SCML2: variants seen among roughly 807,000 people sequenced by gnomAD.
The protein encoded by SCML2 is sex comb on midleg-like protein 2.
In SCML2, 6 loss-of-function variants were observed where a neutral mutation model predicts 48.4. The ratio of observed to expected loss-of-function variants is 0.12; its 90% CI spans 0.07 to 0.24. The LOEUF is 0.24. Among genes scored for constraint, SCML2 ranks in the 10% least tolerant of loss-of-function variants. SCML2 has a pLI of 1.00. For missense variants in SCML2, 377 were observed against 528.2 expected (o/e 0.71, Z 2.81); for synonymous variants, 181 against 189.5 (o/e 0.95, Z 0.37).
At chrX:18,291,675 A>C (rs1342825459) in intron 7 of SCML2, among the ~76,000 whole-genome samples, 1 of 111,622 alleles carries the variant, frequency 9.0e-6, no homozygotes, top group Non-Finnish European at 1.9e-5. Flanking sequence ...GCTGTTATAT[A>C]AAAGTTGAGA....
At chrX:18,320,442 G>T (rs1206309283) in intron 5 of SCML2, 22 bp from the exon 6 acceptor site, 19 of 1,009,675 alleles carry the variant, frequency 1.9e-5, no homozygotes, top group Non-Finnish European at 2.3e-5. Flanking sequence ...AATAAATTAG[G>T]TATCATGAAA....
intron 12 of SCML2, 112 bp from the exon 13 acceptor site, chrX:18,246,940 G>T: frequency 1.3e-6 from 1 of 752,020 alleles, no homozygotes. Flanking sequence ...GTGCTATACT[G>T]AACCACAATG....
intron 7 of SCML2, among the ~76,000 whole-genome samples, chrX:18,303,107 T>A (rs776546059): frequency 9.0e-6 from 1 of 110,590 alleles, no homozygotes; most frequent in South Asian, 3.9e-4. Context: ...CAAAACCACA[T>A]TCGTAACAGC....
chrX:18,285,090 C>T (rs1329849172), intron 7 of SCML2, among the ~76,000 whole-genome samples: 1 of 108,034 alleles, frequency 9.3e-6, no homozygotes, highest in Non-Finnish European at 1.9e-5. Flanking sequence ...GAAAAGGGGA[C>T]ACTTATACAT....
intron 1 of SCML2, among the ~76,000 whole-genome samples, chrX:18,350,278 C>CA (rs1043409505): frequency 7.4e-5 from 8 of 107,435 alleles, no homozygotes; most frequent in African/African-American, 1.4e-4. Flanking sequence ...GCAAGACTCT[C>CA]AAAAAAAACA....
Position 18,265,770 on chromosome X carries a change from A to C in SCML2, c.763T>G (p.Ser255Ala), listed in dbSNP as rs753401355. The C allele has an allele frequency of 5.0e-6, 6 of 1,206,620 alleles. No homozygotes were observed. The South Asian group carries it at 1.1e-4, about 21-fold the overall frequency. The change falls in exon 8 of 15, where the codon TCT becomes GCT. Residue 255 changes from serine to alanine, a missense_variant. Transcript: ENST00000251900. Reference protein sequence around the residue: ...PIVKNIAKTESSPSEASQHSM... With the variant: ...PIVKNIAKTEASPSEASQHSM... Reference sequence around the variant, plus strand: ...TGCTGGCTTGCTTCGGAAGGAGAAGACTCTGTTTTTGCTATATTCTTTACA... The same window carrying C: ...TGCTGGCTTGCTTCGGAAGGAGAAGCCTCTGTTTTTGCTATATTCTTTACA...
chrX:18,285,307 G>A (rs1569148943), intron 7 of SCML2, among the ~76,000 whole-genome samples: 1 of 108,966 alleles, frequency 9.2e-6, no homozygotes, highest in Non-Finnish European at 1.9e-5. Flanking sequence ...CAATTTAGGT[G>A]GCCATCAATA....
At chrX:18,313,122 TC>T (rs1166593537) in intron 6 of SCML2, among the ~76,000 whole-genome samples, 1 of 110,161 alleles carries the variant, frequency 9.1e-6, no homozygotes, top group East Asian at 2.9e-4. Flanking sequence ...ACCAACTTAT[TC>T]CCTTGTCTTT....
At chrX:18,293,997 AG>A (rs1928311799) in intron 7 of SCML2, among the ~76,000 whole-genome samples, 1 of 112,292 alleles carries the variant, frequency 8.9e-6, no homozygotes, top group Non-Finnish European at 1.9e-5. Flanking sequence ...GAAATTCTGA[AG>A]GATCTACCTC....
intron 6 of SCML2, among the ~76,000 whole-genome samples, chrX:18,307,804 A>G (rs1412521317): frequency 3.6e-5 from 4 of 110,082 alleles, no homozygotes; most frequent in Non-Finnish European, 3.8e-5. Context: ...GCAAAACCCT[A>G]TCTCTAAAAA....
chrX:18,245,216 T>C (rs1480324293), intron 13 of SCML2, among the ~76,000 whole-genome samples: 1 of 111,931 alleles, frequency 8.9e-6, no homozygotes, highest in African/African-American at 3.2e-5. Context: ...GTAAGTAAAT[T>C]ACTAGAAAGC....
At chrX:18,348,495 C>A (rs945463455) in intron 1 of SCML2, among the ~76,000 whole-genome samples, 1 of 111,776 alleles carries the variant, frequency 8.9e-6, no homozygotes, top group African/African-American at 3.2e-5. Context: ...ATTACCCATT[C>A]AAATATTTCT....
At chrX:18,342,184 T>G (rs1168051159) in intron 1 of SCML2, among the ~76,000 whole-genome samples, 2 of 111,867 alleles carry the variant, frequency 1.8e-5, no homozygotes, top group African/African-American at 6.5e-5. Context: ...GACCCTCAAG[T>G]AACTTGCCTT....
Position 18,320,974 on chromosome X carries a change from A to C in SCML2, c.398-554T>G, listed in dbSNP as rs781445962. On this transcript the variant is annotated intron_variant, in intron 5 of 14. Coordinates refer to ENST00000251900, the MANE Select transcript of SCML2 (RefSeq NM_006089.3). ...ATTTAGGGGACGTGCACTGATACCAACAACTCACTCTGAAATGTACTAAAA... is the reference window on the plus strand; with the variant it reads ...ATTTAGGGGACGTGCACTGATACCACCAACTCACTCTGAAATGTACTAAAA... Among the ~76,000 whole-genome samples, 3 of 111,688 alleles carry C rather than the reference A, an allele frequency of 2.7e-5. No individual in the cohort carries two copies. The East Asian group carries it at 8.4e-4, about 31-fold the overall frequency.
chrX:18,350,210 C>G (rs188733564), intron 1 of SCML2, among the ~76,000 whole-genome samples: 1 of 110,416 alleles, frequency 9.1e-6, no homozygotes, highest in South Asian at 3.9e-4. Flanking sequence ...ACCCAGGAGG[C>G]AGAGGCTGTA....
intron 1 of SCML2, among the ~76,000 whole-genome samples, chrX:18,345,545 C>A (rs1368744175): frequency 9.1e-6 from 1 of 109,553 alleles, no homozygotes; most frequent in Non-Finnish European, 1.9e-5. Flanking sequence ...GCACACACCA[C>A]CATACCTGGC....
chrX:18,278,147 G>C (rs1388346979), intron 7 of SCML2, among the ~76,000 whole-genome samples: 1 of 111,890 alleles, frequency 8.9e-6, no homozygotes, highest in Non-Finnish European at 1.9e-5. Flanking sequence ...AACAGAGTGA[G>C]ACCCGATTTT....
chrX:18,346,060 C>T (rs983173675), intron 1 of SCML2, among the ~76,000 whole-genome samples: 1 of 110,930 alleles, frequency 9.0e-6, no homozygotes, highest in Non-Finnish European at 1.9e-5. Flanking sequence ...TAAGCCACGG[C>T]GCTCGGCCGA....
chrX:18,282,549 G>C (rs144373932), intron 7 of SCML2, among the ~76,000 whole-genome samples: 4,683 of 110,299 alleles, frequency 0.042, 251 homozygotes, highest in African/African-American at 0.15. Flanking sequence ...GAGGCGAGAG[G>C]ATCACTTGAG....
Sources: allele counts gnomAD v4.1 joint callset (sites outside exome capture counted in the v4.1 genomes callset), GRCh38; gene constraint gnomAD v4.1.1; transcripts MANE v1.5; gene names NCBI Gene and HGNC (gene_info 2026-07-23, HGNC 2026-07-21).